Variants in GPC3 observed in about 807,000 individuals in gnomAD.
The protein encoded by GPC3 is glypican 3, also known as glypican-3.
In GPC3, 3 loss-of-function variants were observed where a neutral mutation model predicts 34.4. The observed-to-expected ratio is 0.09, with a 90% CI of 0.04 to 0.23. GPC3 has a LOEUF of 0.23. GPC3 is among the 10% of genes least tolerant of loss of function. The pLI, the probability that GPC3 is intolerant of heterozygous loss-of-function variation, is 1.00. For synonymous variants in GPC3, 177 were observed against 174.0 expected, an observed-to-expected ratio of 1.02 and a Z score of -0.13; for missense variants, 351 against 445.6, an observed-to-expected ratio of 0.79 and a Z score of 1.91.
chrX:133,749,208 C>G lies in GPC3; in HGVS notation c.1032+4274G>C, dbSNP rs182776068. On this transcript the variant is annotated intron_variant, in intron 3 of 7. Transcript: ENST00000370818. The stretch of plus-strand genomic sequence containing the variant: ...CCCAGGAGGCGGAGGTTGCAGTGAG[C>G]CAAGATCGAGCCACTGCACTCCAGC... 4.8e-3 allele frequency among the ~76,000 whole-genome samples: 534 copies of G among 112,223 alleles called. 3 individuals carry two copies. The highest frequency in any genetic ancestry group is 0.016 in the African/African-American group (504 of 30,923).
chrX:133,733,615 T>C (rs1403901853), intron 3 of GPC3, among the ~76,000 whole-genome samples: 1 of 110,853 alleles, frequency 9.0e-6, no homozygotes, highest in Admixed American at 9.6e-5. Context: ...GTTCTATGAA[T>C]AGATCAACAG....
chrX:133,633,280 T>C (rs2070384344), intron 6 of GPC3, among the ~76,000 whole-genome samples: 1 of 112,344 alleles, frequency 8.9e-6, no homozygotes, highest in Non-Finnish European at 1.9e-5. Context: ...ATATGCCATC[T>C]CATCTATTAG....
intron 2 of GPC3, among the ~76,000 whole-genome samples, chrX:133,756,142 T>C (rs1603241174): frequency 8.9e-6 from 1 of 112,370 alleles, no homozygotes. Flanking sequence ...AGTTTGGTAT[T>C]ACAACTCCCA....
At chrX:133,749,754 G>A (rs922695260) in intron 3 of GPC3, among the ~76,000 whole-genome samples, 3 of 111,280 alleles carry the variant, frequency 2.7e-5, no homozygotes, top group African/African-American at 9.8e-5. Context: ...TGAATGGCAG[G>A]GTTTTACATT....
intron 2 of GPC3, 79 bp downstream of exon 2, chrX:133,952,971 T>TA (rs892295748): frequency 3.6e-6 from 3 of 843,382 alleles, no homozygotes; most frequent in Non-Finnish European, 5.3e-6. Flanking sequence ...ATTTATAAAT[T>TA]ATACTTAGTA....
chrX:133,707,696 C>T (rs1312230095), intron 3 of GPC3, among the ~76,000 whole-genome samples: 1 of 111,208 alleles, frequency 9.0e-6, no homozygotes, highest in African/African-American at 3.3e-5. Context: ...TGTCATGTAT[C>T]TTATTAAGTA....
At chrX:133,971,681 T>C (rs1282566966) in intron 1 of GPC3, among the ~76,000 whole-genome samples, 1 of 109,555 alleles carries the variant, frequency 9.1e-6, no homozygotes, top group Non-Finnish European at 1.9e-5. Flanking sequence ...GGTGTGAGGG[T>C]AGGAGGAAGG....
chrX:133,780,816 C>T (rs999269435), intron 2 of GPC3, among the ~76,000 whole-genome samples: 9 of 111,108 alleles, frequency 8.1e-5, no homozygotes, highest in Admixed American at 4.8e-4. Flanking sequence ...GGAAAGAGAA[C>T]GATGATCTTG....
intron 6 of GPC3, 109 bp downstream of exon 6, chrX:133,661,620 CT>C (rs2070723977): frequency 1.7e-4 from 5 of 29,494 alleles, no homozygotes; most frequent in East Asian, 1.6e-3. Context: ...CTCTCTCTCT[CT>C]CTCTCTCTCT....
At chrX:133,837,560 A>G (rs1448967301) in intron 2 of GPC3, among the ~76,000 whole-genome samples, 1 of 111,782 alleles carries the variant, frequency 8.9e-6, no homozygotes, top group African/African-American at 3.2e-5. Context: ...CTGGGGCCTC[A>G]GGGTCGCACA....
At chrX:133,810,250 A>C (rs1394937954) in intron 2 of GPC3, among the ~76,000 whole-genome samples, 1 of 112,376 alleles carries the variant, frequency 8.9e-6, no homozygotes, top group Non-Finnish European at 1.9e-5. Context: ...CCTTGAAATC[A>C]ATTAAGGATT....
chrX:133,889,441 T>C (rs1040543330), intron 2 of GPC3, among the ~76,000 whole-genome samples: 5 of 111,980 alleles, frequency 4.5e-5, no homozygotes, highest in Admixed American at 1.9e-4. Flanking sequence ...AGTTATTCAA[T>C]GTCTTTCTTA....
At chrX:133,793,015 TA>T (rs367569573) in intron 2 of GPC3, among the ~76,000 whole-genome samples, 18 of 110,176 alleles carry the variant, frequency 1.6e-4, no homozygotes, top group African/African-American at 5.0e-4. Context: ...AGTAATGTAA[TA>T]AAATGATAAT....
chrX:133,905,425 G>A (rs955772886), intron 2 of GPC3, among the ~76,000 whole-genome samples: 9 of 112,379 alleles, frequency 8.0e-5, no homozygotes, highest in Non-Finnish European at 1.1e-4. Context: ...TGCCAGAGCA[G>A]TGACACTATA....
intron 2 of GPC3, among the ~76,000 whole-genome samples, chrX:133,908,058 G>C (rs2076178037): frequency 1.8e-5 from 2 of 110,975 alleles, no homozygotes; most frequent in Non-Finnish European, 3.8e-5. Context: ...TTAAAAAAAT[G>C]CTCCTTTCGG....
intron 2 of GPC3, among the ~76,000 whole-genome samples, chrX:133,791,858 T>C (rs1171372654): frequency 1.0e-5 from 1 of 98,618 alleles, no homozygotes; most frequent in African/African-American, 3.8e-5. Flanking sequence ...CCTCCCTCCC[T>C]CCCTCTCTCT....
chrX:133,647,543 C>G (rs2070556950), intron 6 of GPC3, among the ~76,000 whole-genome samples: 1 of 112,449 alleles, frequency 8.9e-6, no homozygotes, highest in South Asian at 3.7e-4. Context: ...TGAAACAGCA[C>G]CAGCTATAAG....
intron 2 of GPC3, among the ~76,000 whole-genome samples, chrX:133,914,944 A>AAT (rs35086661): frequency 0.14 from 6,756 of 49,764 alleles, 553 homozygotes; most frequent in Non-Finnish European, 0.15. Flanking sequence ...TCAAACTGGA[A>AAT]ATATATATAT....
chrX:133,572,254 A>T (rs1231168823), intron 7 of GPC3, among the ~76,000 whole-genome samples: 1 of 112,215 alleles, frequency 8.9e-6, no homozygotes, highest in East Asian at 2.8e-4. Context: ...TCAGTCAAAG[A>T]AGAAATCACA....
Sources: allele counts gnomAD v4.1 joint callset (sites outside exome capture counted in the v4.1 genomes callset), GRCh38; gene constraint gnomAD v4.1.1; transcripts MANE v1.5; gene names NCBI Gene and HGNC (gene_info 2026-07-23, HGNC 2026-07-21).